ECHDC2: variants seen among roughly 807,000 people sequenced by gnomAD.
ECHDC2 encodes the protein enoyl-CoA hydratase domain-containing protein 2, mitochondrial.
A neutral mutation model predicts 40.6 loss-of-function variants in ECHDC2; 34 were observed. The ratio of observed to expected loss-of-function variants is 0.84; its 90% CI spans 0.64 to 1.11. The LOEUF (loss-of-function observed/expected upper bound fraction) is 1.11, where lower values mean the gene tolerates loss of function less well. Among genes scored for constraint, ECHDC2 ranks in the 50% most tolerant of loss-of-function variants. The probability of loss-of-function intolerance (pLI) is 0.00; values close to 1 mark genes in which losing one functional copy is unlikely to be tolerated. For missense variants in ECHDC2, 392 were observed against 400.7 expected (o/e 0.98, Z 0.19); for synonymous variants, 162 against 166.6 (o/e 0.97, Z 0.21).
rs545747807 is a variant in ECHDC2 at position 52,921,538 on chromosome 1, G to A, written c.121+15C>T. 19 of 1,607,238 alleles carry A rather than the reference G, an allele frequency of 1.2e-5. No homozygotes were observed. The South Asian group carries it at 2.0e-4, about 17-fold the overall frequency. Reference sequence around the variant, plus strand: ...CCCAGTCGCGTCATGCGCCGCCCCGGAACTGCACATTTACCTTGGTCCGGA... The same window carrying A: ...CCCAGTCGCGTCATGCGCCGCCCCGAAACTGCACATTTACCTTGGTCCGGA... On this transcript the variant is annotated intron_variant, in intron 1 of 9. Coordinates refer to ENST00000371522, the MANE Select transcript of ECHDC2 (RefSeq NM_001198961.2).
chr1:52,921,579 A>G lies in ECHDC2; in HGVS notation c.95T>C (p.Val32Ala), dbSNP rs1462504406. 1 of 1,609,312 alleles carries G rather than the reference A, an allele frequency of 6.2e-7. No homozygotes were observed. The highest frequency in any genetic ancestry group is 1.1e-5 in the South Asian group (1 of 90,292). The change falls in exon 1 of 10, where the codon GTG becomes GCG. Residue 32 changes from valine (V) to alanine (A), a missense_variant. By Grantham distance (64) the Val-to-Ala change is moderately conservative. Coordinates refer to ENST00000371522, the MANE Select transcript of ECHDC2 (RefSeq NM_001198961.2). Reference sequence around the variant, plus strand: ...TTGGTCCGGACCCGCCAGGGCGCGCACTTGGATCTCTGAGCCCCCGGCCGC... The same window carrying G: ...TTGGTCCGGACCCGCCAGGGCGCGCGCTTGGATCTCTGAGCCCCCGGCCGC... ...DGAAGGSEIQVRALAGPDQGI... is the reference protein window; with the variant it reads ...DGAAGGSEIQARALAGPDQGI...
chr1:52,908,015 C>G, intron 3 of ECHDC2, 61 bp from the exon 4 acceptor site: 1 of 1,514,946 alleles, frequency 6.6e-7, no homozygotes, highest in Non-Finnish European at 9.1e-7. Context: ...GAATCCCAGG[C>G]GGTTAAAGGA....
chr1:52,899,005 C>T, intron 8 of ECHDC2, 169 bp downstream of exon 8: 2 of 719,206 alleles, frequency 2.8e-6, no homozygotes. Flanking sequence ...ACTGTCTGGC[C>T]AATTTGCAGA....
intron 7 of ECHDC2, chr1:52,902,109 G>T (rs961856315): frequency 1.1e-4 from 17 of 151,700 alleles, no homozygotes; most frequent in Admixed American, 1.1e-3. Flanking sequence ...AGAAGTATTA[G>T]GATTATTTAC....
chr1:52,919,076 T>G (rs1332656500), intron 1 of ECHDC2, among the ~76,000 whole-genome samples: 2 of 152,142 alleles, frequency 1.3e-5, no homozygotes, highest in Non-Finnish European at 2.9e-5. Context: ...GCGAGCTCCT[T>G]ATGAGAATCT....
chr1:52,912,882 C>T (rs1312416051), intron 1 of ECHDC2: 1 of 151,872 alleles, frequency 6.6e-6, no homozygotes, highest in Non-Finnish European at 1.5e-5. Context: ...GATGAGGTTT[C>T]TCCATGTTGG....
intron 5 of ECHDC2, chr1:52,906,073 T>C: frequency 3.0e-6 from 1 of 337,330 alleles, no homozygotes; most frequent in East Asian, 8.2e-5. Context: ...CAAAGCTCAA[T>C]TGCTCAGAAC....
At chr1:52,911,839 C>G in intron 1 of ECHDC2, 49 bp from the exon 2 acceptor site, 2 of 1,606,652 alleles carry the variant, frequency 1.2e-6, no homozygotes, top group Non-Finnish European at 1.7e-6. Flanking sequence ...TCTGCCTAAT[C>G]CTGGGCTGCG....
rs545336216 is a variant in ECHDC2, at chr1:52,908,696, G to A, written c.278-742C>T. Among the ~76,000 whole-genome samples, 85 of 152,174 alleles carry A rather than the reference G, an allele frequency of 5.6e-4. No individual in the cohort carries two copies. The Middle Eastern group carries it at 0.021, about 37-fold the overall frequency. ...CACCTGTAATCCCAGCACTTTGGGA[G>A]GCCGAGGTGGGCACATCACCTGAGG... is the stretch of plus-strand genomic sequence containing the variant. On this transcript the variant is annotated intron_variant, in intron 3 of 9. Transcript: ENST00000371522.
At chr1:52,898,005 T>C (rs1309680402) in intron 8 of ECHDC2, 1 of 188,692 alleles carries the variant, frequency 5.3e-6, no homozygotes, top group Non-Finnish European at 1.1e-5. Context: ...CACTCTCTCT[T>C]CTTCCCTCAC....
intron 7 of ECHDC2, chr1:52,900,134 G>T (rs1183506704): frequency 6.6e-6 from 1 of 152,116 alleles, no homozygotes; most frequent in Non-Finnish European, 1.5e-5. Context: ...AAGTACGAAC[G>T]TGAAGGATGT....
At chr1:52,896,851 G>T (rs146405140) in intron 9 of ECHDC2, 206 of 481,962 alleles carry the variant, frequency 4.3e-4, no homozygotes, top group Admixed American at 1.6e-3. Flanking sequence ...TGCCTCCTGA[G>T]AACTCAGCTG....
chr1:52,909,228 A>G (rs1330592908), intron 3 of ECHDC2, among the ~76,000 whole-genome samples: 2 of 152,190 alleles, frequency 1.3e-5, no homozygotes, highest in Non-Finnish European at 2.9e-5. Flanking sequence ...CAGAATTACC[A>G]TACAATTCTA....
rs560734262 is a variant in ECHDC2 at position 52,898,860 on chromosome 1, G to A, written c.753+314C>T. On this transcript the variant is annotated intron_variant, in intron 8 of 9. Coordinates refer to ENST00000371522, the MANE Select transcript of ECHDC2 (RefSeq NM_001198961.2). ...CTGCCAGCACAAATCTTGCAGCATGGACTGGCAGCCACACAGACCCGGGTT... is the reference window on the plus strand; with the variant it reads ...CTGCCAGCACAAATCTTGCAGCATGAACTGGCAGCCACACAGACCCGGGTT... 16 of 445,860 alleles carry A rather than the reference G, an allele frequency of 3.6e-5. No individual in the cohort carries two copies. In the Admixed American group the frequency reaches 4.0e-4, roughly 11 times the overall value. 27.6% of individuals were successfully genotyped at this position (445,860 alleles called of 1,614,324 possible).
At chr1:52,908,185 C>G (rs1481576136) in intron 3 of ECHDC2, among the ~76,000 whole-genome samples, 2 of 152,176 alleles carry the variant, frequency 1.3e-5, no homozygotes, top group African/African-American at 4.8e-5. Flanking sequence ...TTCTGTGCAT[C>G]AGAGGACACT....
chr1:52,907,583 G>A, intron 4 of ECHDC2: 1 of 399,174 alleles, frequency 2.5e-6, no homozygotes, highest in Non-Finnish European at 4.4e-6. Context: ...AAAGGTAACA[G>A]CAATTGTCAA....
rs78625387 is a variant in ECHDC2 at position 52,903,648 on chromosome 1, C to A, written c.702+998G>T. ...GTCACGGTGGTTCATGCTTGTAATT[C>A]TAACACTTTGGGAGGCTGAGGCGGG... On this transcript the variant is annotated intron_variant, in intron 7 of 9. Transcript: ENST00000371522. 3.1e-3 allele frequency among the ~76,000 whole-genome samples: 477 copies of A among 151,764 alleles called. 3 individuals are homozygous for A. The highest frequency in any genetic ancestry group is 4.3e-3 in the Non-Finnish European group (293 of 67,944).
At chr1:52,905,252 T>C (rs1464448942) in intron 5 of ECHDC2, 162 bp from the exon 6 acceptor site, 5 of 706,742 alleles carry the variant, frequency 7.1e-6, no homozygotes, top group Non-Finnish European at 1.2e-5. Flanking sequence ...GGAAGAGCCC[T>C]AGCCCAGAAG....
In ECHDC2 at chr1:52,896,373, C is replaced by T. The variant is rs1646635040; in HGVS notation, c.*147G>A. The stretch of plus-strand genomic sequence containing the variant: ...ATCAGCACCTTGGTTCCAGGCATCA[C>T]GCCAGTCATTTTATTTCCATCATCA... On this transcript the variant is annotated 3_prime_UTR_variant, in exon 10 of 10. Coordinates refer to ENST00000371522, the MANE Select transcript of ECHDC2 (RefSeq NM_001198961.2). 24 of 706,438 alleles carry T rather than the reference C, an allele frequency of 3.4e-5. 1 individual carries two copies. Among genetic ancestry groups the T allele is most frequent in the South Asian group, 1.8e-4 (11 of 60,194 alleles). 43.8% of individuals were successfully genotyped at this position (706,438 alleles called of 1,614,324 possible). A position where few individuals can be genotyped will look rare whatever the true frequency, so the allele number is the denominator to read the frequency against.
Sources: allele counts gnomAD v4.1 joint callset (sites outside exome capture counted in the v4.1 genomes callset), GRCh38; gene constraint gnomAD v4.1.1; transcripts MANE v1.5; gene names NCBI Gene and HGNC (gene_info 2026-07-23, HGNC 2026-07-21).